Variants in EHHADH observed in about 807,000 individuals in gnomAD.
The protein encoded by EHHADH is enoyl-CoA hydratase and 3-hydroxyacyl CoA dehydrogenase.
In EHHADH, 48 loss-of-function variants were observed where a neutral mutation model predicts 64.4. The observed-to-expected ratio is 0.75, with a 90% confidence interval of 0.59 to 0.95. The LOEUF is 0.95. Among genes scored for constraint, EHHADH ranks in the 40% least tolerant of loss-of-function variants. EHHADH has a pLI of 0.00. For missense variants in EHHADH, 854 were observed against 876.6 expected, an observed-to-expected ratio of 0.97 and a Z score of 0.33; for synonymous variants, 308 against 326.7, an observed-to-expected ratio of 0.94 and a Z score of 0.62.
chr3:185,240,832 T>TG (rs1362936102), intron 2 of EHHADH, among the ~76,000 whole-genome samples: 2 of 152,154 alleles, frequency 1.3e-5, no homozygotes, highest in East Asian at 3.9e-4. Flanking sequence ...CATAGGTTAT[T>TG]GGGGTACAGG....
chr3:185,227,296 GC>G (rs1719003096), intron 4 of EHHADH, among the ~76,000 whole-genome samples: 1 of 152,218 alleles, frequency 6.6e-6, no homozygotes. Context: ...ACTTTGGGGG[GC>G]CAAGGCAGGC....
intron 1 of EHHADH, among the ~76,000 whole-genome samples, chr3:185,250,425 T>C (rs182956136): frequency 8.5e-4 from 129 of 152,170 alleles, no homozygotes; most frequent in African/African-American, 2.7e-3. Context: ...GAGAGAAAAT[T>C]TGTGAAGAAG....
At chr3:185,227,543 A>T (rs1348389038) in intron 4 of EHHADH, among the ~76,000 whole-genome samples, 1 of 143,680 alleles carries the variant, frequency 7.0e-6, no homozygotes, top group Non-Finnish European at 1.5e-5. Context: ...AAAAAAAAAT[A>T]GGTCAGGCCC....
intron 5 of EHHADH, among the ~76,000 whole-genome samples, chr3:185,211,090 C>A (rs1718528835): frequency 6.6e-6 from 1 of 152,186 alleles, no homozygotes; most frequent in African/African-American, 2.4e-5. Context: ...TTTCTTGCTA[C>A]AGCTATAACT....
At chr3:185,245,565 G>A (rs1372646005) in intron 2 of EHHADH, 4 of 857,124 alleles carry the variant, frequency 4.7e-6, no homozygotes, top group Non-Finnish European at 7.8e-6. Context: ...CACACTGTAG[G>A]AAATAAGAGT....
Position 185,204,654 on chromosome 3 carries a change from G to A in EHHADH, c.672C>T (p.His224=), listed in dbSNP as rs937477695. 13 of 1,614,104 alleles carry A rather than the reference G, an allele frequency of 8.1e-6. No homozygotes were observed. The highest frequency in any genetic ancestry group is 1.0e-5 in the Non-Finnish European group (12 of 1,180,050). The change falls in exon 6 of 7, where the codon CAC becomes CAT. Residue 224 remains histidine, a synonymous_variant. Coordinates refer to ENST00000231887, the MANE Select transcript of EHHADH (RefSeq NM_001966.4). ...SEALLKMRRQ[H]PGCLAQEACV... Reference sequence around the variant, plus strand: ...AAGCCTCCTGTGCAAGACACCCAGGGTGCTGCCTCCGCATCTTCAAGAGGG... The same window carrying A: ...AAGCCTCCTGTGCAAGACACCCAGGATGCTGCCTCCGCATCTTCAAGAGGG...
chr3:185,195,855 GC>G (rs1250357709), intron 6 of EHHADH, among the ~76,000 whole-genome samples: 1 of 152,084 alleles, frequency 6.6e-6, no homozygotes, highest in Non-Finnish European at 1.5e-5. Flanking sequence ...AACATTAGAA[GC>G]CCAAACCTTG....
rs138910957 is a variant in EHHADH, at chr3:185,235,450, C to T, written c.191G>A (p.Arg64His). ...EGKFSAGADI[R>H]GFSAPRTFGL... ...AAATGTCCTAGGAGCACTGAAGCCA[C>T]GAATATCAGCACCTAAGGGCACAAA... The change falls in exon 3 of 7, where the codon CGT becomes CAT. Residue 64 changes from arginine (R) to histidine (H), a missense_variant. Physicochemically the swap from Arg to His is conservative, Grantham distance 29. Transcript: ENST00000231887. 1.7e-4 allele frequency: 267 copies of T among 1,608,244 alleles called. No homozygotes were observed. In the African/African-American group the frequency reaches 3.0e-3, roughly 18 times the overall value.
rs1210751518 is a variant in EHHADH, at chr3:185,204,148, AAAAAAAAAAAG to A, written c.910+257_910+267del. 2.7e-5 allele frequency among the ~76,000 whole-genome samples: 4 copies of A among 150,856 alleles called. No homozygotes were observed. The South Asian group carries it at 6.4e-4, about 24-fold the overall frequency. On this transcript the variant is annotated intron_variant, in intron 6 of 6. Coordinates refer to ENST00000231887, the MANE Select transcript of EHHADH (RefSeq NM_001966.4). The stretch of plus-strand genomic sequence containing the variant: ...ACTCTGTCTCAAAAAAAAAAAAAAA[AAAAAAAAAAAG>A]AATAAAACATTCCCAGTCTGGAGTC...
chr3:185,192,094 G>T lies in EHHADH; in HGVS notation c.*132C>A. On this transcript the variant is annotated 3_prime_UTR_variant, in exon 7 of 7. Transcript: ENST00000231887. ...ATTTGACCATTAGAGTCGTTACACA[G>T]AAGATTCTAATGATTATTTATTTTG... The T allele has an allele frequency of 9.3e-7, 1 of 1,078,722 alleles. No homozygotes were observed. Among genetic ancestry groups the T allele is most frequent in the South Asian group, 1.6e-5 (1 of 61,640 alleles). 66.8% of individuals were successfully genotyped at this position (1,078,722 alleles called of 1,614,324 possible).
At chr3:185,210,560 G>C (rs1718512844) in intron 5 of EHHADH, among the ~76,000 whole-genome samples, 1 of 151,698 alleles carries the variant, frequency 6.6e-6, no homozygotes, top group South Asian at 2.1e-4. Flanking sequence ...CTTTGAATCT[G>C]GGCGGCAGAG....
At chr3:185,232,832 T>C (rs1040747097) in intron 3 of EHHADH, among the ~76,000 whole-genome samples, 1 of 152,238 alleles carries the variant, frequency 6.6e-6, no homozygotes, top group Non-Finnish European at 1.5e-5. Flanking sequence ...TGAAATAACA[T>C]ACACAAAGTG....
intron 6 of EHHADH, among the ~76,000 whole-genome samples, chr3:185,196,588 C>G (rs889014359): frequency 6.6e-6 from 1 of 151,854 alleles, no homozygotes; most frequent in Non-Finnish European, 1.5e-5. Context: ...TGCACTGATC[C>G]GAAATCACGC....
intron 4 of EHHADH, among the ~76,000 whole-genome samples, chr3:185,222,505 T>C (rs927524013): frequency 6.6e-6 from 1 of 152,240 alleles, no homozygotes; most frequent in Non-Finnish European, 1.5e-5. Flanking sequence ...AATAATTATA[T>C]AAAAAATTTA....
At chr3:185,233,515 A>G (rs1326574922) in intron 3 of EHHADH, among the ~76,000 whole-genome samples, 1 of 151,670 alleles carries the variant, frequency 6.6e-6, no homozygotes, top group Non-Finnish European at 1.5e-5. Context: ...ATTACATTAA[A>G]TATAAGTGTA....
At chr3:185,208,734 G>A (rs1192796433) in intron 5 of EHHADH, among the ~76,000 whole-genome samples, 2 of 152,014 alleles carry the variant, frequency 1.3e-5, no homozygotes, top group Admixed American at 6.5e-5. Flanking sequence ...AATATTCATG[G>A]CAGCATTATT....
At chr3:185,198,164 T>A (rs1339327778) in intron 6 of EHHADH, among the ~76,000 whole-genome samples, 1 of 152,098 alleles carries the variant, frequency 6.6e-6, no homozygotes, top group Non-Finnish European at 1.5e-5. Flanking sequence ...AATTTTTACC[T>A]TTTTGACAAA....
chr3:185,209,811 A>C (rs1373685980), intron 5 of EHHADH, among the ~76,000 whole-genome samples: 1 of 152,246 alleles, frequency 6.6e-6, no homozygotes, highest in Non-Finnish European at 1.5e-5. Context: ...ATGTTAAAGA[A>C]TAGGATTCAG....
intron 1 of EHHADH, among the ~76,000 whole-genome samples, chr3:185,251,663 C>T (rs1379595378): frequency 6.6e-6 from 1 of 151,376 alleles, no homozygotes; most frequent in Non-Finnish European, 1.5e-5. Context: ...AAGAATCTCT[C>T]AATCAGCTAG....
Sources: gnomAD v4.1 joint callset for allele counts (sites outside exome capture counted in the v4.1 genomes callset) on GRCh38, gnomAD v4.1.1 for gene constraint, MANE v1.5 for transcripts, NCBI Gene and HGNC (gene_info 2026-07-23, HGNC 2026-07-21) for gene names.